The following WDR72 variants were observed in gnomAD, a reference collection of about 807,000 sequenced individuals.
WDR72 encodes WD repeat domain 72.
WDR72 carries 120 observed loss-of-function variants against 124.2 expected under a neutral mutation model. The observed-to-expected ratio is 0.97, with a 90% CI of 0.83 to 1.12. The LOEUF is 1.12. Ranked by LOEUF, WDR72 falls within the 50% of genes most tolerant of loss-of-function variation. The pLI is 0.00. For synonymous variants in WDR72, 452 were observed against 441.7 expected, an observed-to-expected ratio of 1.02 and a Z score of -0.29; for missense variants, 1,387 against 1,278.8, an observed-to-expected ratio of 1.08 and a Z score of -1.29.
chr15:53,667,215 T>C (rs1567014914), intron 13 of WDR72, among the ~76,000 whole-genome samples: 2 of 152,004 alleles, frequency 1.3e-5, no homozygotes, highest in African/African-American at 2.4e-5. Context: ...TAGCCAGGCA[T>C]GGTGGCAAGC....
chr15:53,605,297 C>T (rs1465632993), intron 17 of WDR72, among the ~76,000 whole-genome samples: 2 of 152,102 alleles, frequency 1.3e-5, no homozygotes, highest in African/African-American at 4.8e-5. Flanking sequence ...GATGGGAACA[C>T]TTGAACACGT....
At chr15:53,738,276 A>G (rs962346634) in intron 1 of WDR72, among the ~76,000 whole-genome samples, 5 of 152,180 alleles carry the variant, frequency 3.3e-5, no homozygotes, top group Admixed American at 2.6e-4. Flanking sequence ...AATCTTATAT[A>G]AAAGAAGAGC....
At chr15:53,554,714 G>A (rs902335342) in intron 18 of WDR72, among the ~76,000 whole-genome samples, 15 of 152,110 alleles carry the variant, frequency 9.9e-5, no homozygotes, top group African/African-American at 3.6e-4. Flanking sequence ...AAGGAAGTGA[G>A]TTTACAGGGA....
At chr15:53,586,000 C>T (rs919540170) in intron 18 of WDR72, among the ~76,000 whole-genome samples, 3 of 152,038 alleles carry the variant, frequency 2.0e-5, no homozygotes, top group Non-Finnish European at 4.4e-5. Flanking sequence ...GTTGGTGGCT[C>T]TCTATGCCTT....
intron 3 of WDR72, 55 bp from the exon 4 acceptor site, chr15:53,716,740 A>G: frequency 7.2e-7 from 1 of 1,386,238 alleles, no homozygotes; most frequent in African/African-American, 1.4e-5. Context: ...ATTGGCTGGA[A>G]TAATTTTTGT....
At chr15:53,604,120 T>C (rs1210080880) in intron 17 of WDR72, among the ~76,000 whole-genome samples, 2 of 152,124 alleles carry the variant, frequency 1.3e-5, no homozygotes, top group Non-Finnish European at 2.9e-5. Context: ...AAGGTACTGG[T>C]ACAAGAACAG....
chr15:53,588,010 T>G (rs1420595798), intron 18 of WDR72, among the ~76,000 whole-genome samples: 1 of 152,028 alleles, frequency 6.6e-6, no homozygotes, highest in Non-Finnish European at 1.5e-5. Flanking sequence ...TCTAGACAGA[T>G]ATATTGCTCT....
At chr15:53,706,133 G>GT in intron 9 of WDR72, 59 bp from the exon 10 acceptor site, 4 of 1,554,960 alleles carry the variant, frequency 2.6e-6, no homozygotes, top group Non-Finnish European at 3.5e-6. Context: ...GATGGCCACT[G>GT]TTTTTAAATG....
intron 14 of WDR72, among the ~76,000 whole-genome samples, chr15:53,646,835 T>A (rs2015060141): frequency 6.6e-6 from 1 of 152,020 alleles, no homozygotes; most frequent in African/African-American, 2.4e-5. Context: ...AAGTAAGGTA[T>A]GGCCAAATAG....
chr15:53,713,536 C>T (rs539875354), intron 6 of WDR72, among the ~76,000 whole-genome samples: 22 of 151,562 alleles, frequency 1.5e-4, no homozygotes, highest in South Asian at 4.2e-4. Context: ...CTGCAACCCC[C>T]GCCTCCCGGG....
At position 53,615,426 on chromosome 15, in the gene WDR72, C is replaced by T; in HGVS notation, c.2780G>A (p.Ser927Asn). 3.1e-6 allele frequency: 5 copies of T among 1,606,680 alleles called. No individual in the cohort carries two copies. The highest frequency in any genetic ancestry group is 4.3e-6 in the Non-Finnish European group (5 of 1,175,830). The stretch of plus-strand genomic sequence containing the variant: ...GTCAAAATCTCTAGGTATGTCTTAC[C>T]TGCCAACTCTACATGCCAATTCTAA... ...MPLELACRVG[S>N]SFRMESIHNK... The change falls in exon 15 of 20, where the codon AGT becomes AAT. Residue 927 changes from serine to asparagine, a missense_variant and splice_region_variant. Physicochemically the swap from Ser to Asn is conservative, Grantham distance 46. Coordinates refer to ENST00000360509, the MANE Select transcript of WDR72 (RefSeq NM_182758.4).
At chr15:53,651,260 T>C (rs1281507773) in intron 14 of WDR72, among the ~76,000 whole-genome samples, 1 of 152,198 alleles carries the variant, frequency 6.6e-6, no homozygotes, top group Non-Finnish European at 1.5e-5. Flanking sequence ...ACAGTATAAA[T>C]CCTACCTCCT....
Position 53,711,039 on chromosome 15 carries a change from T to C in WDR72, c.858-86A>G. 1.5e-5 allele frequency: 17 copies of C among 1,172,226 alleles called. 1 individual carries two copies. In the South Asian group the frequency reaches 2.0e-4, roughly 14 times the overall value. 72.6% of individuals were successfully genotyped at this position (1,172,226 alleles called of 1,614,324 possible). On this transcript the variant is annotated intron_variant, in intron 8 of 19. Transcript: ENST00000360509. ...CCCCCTCCCACTTTCAAAAGCCGGATGGTACCGTTCAAGTTTCTAAACTCT... is the reference window on the plus strand; with the variant it reads ...CCCCCTCCCACTTTCAAAAGCCGGACGGTACCGTTCAAGTTTCTAAACTCT...
Position 53,705,113 on chromosome 15 carries a change from G to C in WDR72, c.1223C>G (p.Thr408Ser). 1 of 1,614,110 alleles carries C rather than the reference G, an allele frequency of 6.2e-7. No individual in the cohort carries two copies. The highest frequency in any genetic ancestry group is 8.5e-7 in the Non-Finnish European group (1 of 1,180,028). ...AAGACTTGGAATATACTCTGATGAA[G>C]TGACTACAGCAGTTCCTGCCCCATC... ...LKDGAGTAVV[T>S]SSEYIPSLDK... Residue 408 changes from threonine (T) to serine (S), a missense_variant, in exon 11 of 20, where the codon ACT becomes AGT. Physicochemically the swap from Thr to Ser is moderately conservative, Grantham distance 58 (BLOSUM62 1). Coordinates refer to ENST00000360509, the MANE Select transcript of WDR72 (RefSeq NM_182758.4).
At chr15:53,711,255 T>C (rs1278693762) in intron 8 of WDR72, 81 bp downstream of exon 8, 2 of 1,595,396 alleles carry the variant, frequency 1.3e-6, no homozygotes, top group Non-Finnish European at 1.7e-6. Context: ...ATGGGCAGCA[T>C]GCAGGGATTT....
At chr15:53,691,209 C>A (rs1033009372) in intron 13 of WDR72, among the ~76,000 whole-genome samples, 6 of 152,048 alleles carry the variant, frequency 3.9e-5, no homozygotes, top group Non-Finnish European at 7.4e-5. Context: ...ACCACTGTGC[C>A]TGGCTAATTT....
Position 53,715,213 on chromosome 15 carries a change from A to G in WDR72, c.494T>C (p.Val165Ala). ...ATTACCTTGAATTCTCATGGAGTGA[A>G]CAATGCACATGCAGTTGATCCAGTC... ...FPDWINCMCI[V>A]HSMRIQEDSL... The change falls in exon 5 of 20, where the codon GTT (valine) becomes GCT (alanine). Residue 165 changes from valine to alanine, a missense_variant. Val to Ala is a moderately conservative substitution (Grantham distance 64). Transcript: ENST00000360509. 1 of 1,614,128 alleles carries G rather than the reference A, an allele frequency of 6.2e-7. No individual in the cohort carries two copies.
chr15:53,653,946 T>C (rs749366605), intron 14 of WDR72, among the ~76,000 whole-genome samples: 2 of 152,148 alleles, frequency 1.3e-5, no homozygotes, highest in Admixed American at 1.3e-4. Flanking sequence ...TTCTGAAATA[T>C]TAAAGAGGAT....
chr15:53,712,485 A>G (rs1012060644), intron 7 of WDR72, among the ~76,000 whole-genome samples: 5 of 151,532 alleles, frequency 3.3e-5, no homozygotes, highest in Non-Finnish European at 5.9e-5. Flanking sequence ...AATCCCAGCT[A>G]CTAGGAGGCT....
Sources: gnomAD v4.1 joint callset for allele counts (sites outside exome capture counted in the v4.1 genomes callset) on GRCh38, gnomAD v4.1.1 for gene constraint, MANE v1.5 for transcripts, NCBI Gene and HGNC (gene_info 2026-07-23, HGNC 2026-07-21) for gene names.